Variants in DSCAML1 observed in about 807,000 individuals in gnomAD.
The protein encoded by DSCAML1 is cell adhesion molecule DSCAML1.
DSCAML1 carries 38 observed loss-of-function variants against 200.5 expected under a neutral mutation model. That is an observed-to-expected ratio of 0.19 (90% confidence interval 0.15 to 0.25). The LOEUF (loss-of-function observed/expected upper bound fraction) is 0.25. Among genes scored for constraint, DSCAML1 ranks in the 10% least tolerant of loss-of-function variants. The pLI, the probability that DSCAML1 is intolerant of heterozygous loss-of-function variation, is 1.00. For synonymous variants in DSCAML1, 1,215 were observed against 1,165.0 expected (o/e 1.04, Z -0.87); for missense variants, 2,223 against 2,858.8 (o/e 0.78, Z 5.07).
In DSCAML1 at chr11:117,504,893, C is replaced by A. The variant is rs760450688; in HGVS notation, c.2182+31G>T. 36 of 1,582,900 alleles carry A rather than the reference C, an allele frequency of 2.3e-5. No individual in the cohort carries two copies. Among genetic ancestry groups the A allele is most frequent in the Non-Finnish European group, 3.0e-5 (35 of 1,160,132 alleles). On this transcript the variant is annotated intron_variant, in intron 10 of 32. Coordinates refer to ENST00000651296, the MANE Select transcript of DSCAML1 (RefSeq NM_020693.4). The surrounding 1 kb of genome is among the most constrained non-coding windows in gnomAD (Gnocchi z 5.0). ...TCCTCCGTTCCCCGTCCCTGCCCTT[C>A]TTGGAGATTCTGGCTGGGCCAGGGG...
chr11:117,745,383 C>CT (rs1306627299), intron 3 of DSCAML1, among the ~76,000 whole-genome samples: 2 of 152,162 alleles, frequency 1.3e-5, no homozygotes, highest in Non-Finnish European at 2.9e-5. Context: ...ACCGAGGGAG[C>CT]TGAAGCTGTT....
chr11:117,640,657 C>T (rs1037013493), intron 3 of DSCAML1, among the ~76,000 whole-genome samples: 1 of 152,208 alleles, frequency 6.6e-6, no homozygotes, highest in African/African-American at 2.4e-5. Flanking sequence ...TTGTCCCCGC[C>T]ACCATGGTCC....
intron 19 of DSCAML1, among the ~76,000 whole-genome samples, chr11:117,458,088 G>A (rs1214694869): frequency 6.6e-6 from 1 of 152,228 alleles, no homozygotes; most frequent in Non-Finnish European, 1.5e-5. Context: ...CGGCCCTGGG[G>A]TAGTGCAGCT....
At chr11:117,485,869 G>C (rs1474280235) in intron 11 of DSCAML1, among the ~76,000 whole-genome samples, 1 of 152,212 alleles carries the variant, frequency 6.6e-6, no homozygotes, top group Non-Finnish European at 1.5e-5. Flanking sequence ...AACCTCCATT[G>C]AAGTGTCAAA....
intron 3 of DSCAML1, among the ~76,000 whole-genome samples, chr11:117,664,130 G>A (rs780545140): frequency 6.6e-6 from 1 of 152,228 alleles, no homozygotes; most frequent in South Asian, 2.1e-4. Flanking sequence ...CAGGGGAGGG[G>A]ATCAGGACTC....
chr11:117,697,192 A>T (rs1429798176), intron 3 of DSCAML1, among the ~76,000 whole-genome samples: 1 of 151,988 alleles, frequency 6.6e-6, no homozygotes, highest in Non-Finnish European at 1.5e-5. Flanking sequence ...AATTTGGCTG[A>T]CTCTTGTGCT....
chr11:117,465,249 A>G, intron 16 of DSCAML1, 67 bp from the exon 17 acceptor site: 1 of 1,581,134 alleles, frequency 6.3e-7, no homozygotes, highest in Non-Finnish European at 8.6e-7. Context: ...TCTTAAAACC[A>G]AAGTCAGATC....
chr11:117,428,203 T>G lies in DSCAML1; in HGVS notation c.*125A>C. ...TGTACAGGCGTTCATGATTGGGGGT[T>G]TTTGTTTTGTCGTTGGTTGGTTTTT... On this transcript the variant is annotated 3_prime_UTR_variant, in exon 33 of 33. Transcript: ENST00000651296. 2 of 643,180 alleles carry G rather than the reference T, an allele frequency of 3.1e-6. No individual in the cohort carries two copies. The highest frequency in any genetic ancestry group is 5.9e-5 in the East Asian group (2 of 33,816). The allele number at this position is 643,180 out of a possible 1,614,324, so 39.8% of individuals were successfully genotyped here. A position where few individuals can be genotyped will look rare whatever the true frequency, so the allele number is the denominator to read the frequency against.
chr11:117,540,567 A>G (rs2050249853), intron 3 of DSCAML1, among the ~76,000 whole-genome samples: 1 of 152,152 alleles, frequency 6.6e-6, no homozygotes, highest in Non-Finnish European at 1.5e-5. Flanking sequence ...ATATTTTACC[A>G]CAATTAAAGT....
chr11:117,547,752 C>A (rs2050402357), intron 3 of DSCAML1, among the ~76,000 whole-genome samples: 1 of 152,206 alleles, frequency 6.6e-6, no homozygotes, highest in Non-Finnish European at 1.5e-5. Context: ...GACAGACTCA[C>A]TTGAAATAGA....
At chr11:117,600,157 C>T (rs1180536670) in intron 3 of DSCAML1, among the ~76,000 whole-genome samples, 8 of 152,170 alleles carry the variant, frequency 5.3e-5, no homozygotes, top group Non-Finnish European at 1.2e-4. Context: ...GCAAACATTC[C>T]GTAGGTGTTG....
intron 20 of DSCAML1, among the ~76,000 whole-genome samples, chr11:117,444,531 G>C (rs1318504869): frequency 6.6e-6 from 1 of 152,218 alleles, no homozygotes; most frequent in Non-Finnish European, 1.5e-5. Flanking sequence ...GCATTTTGCA[G>C]GCAGCACGCC....
intron 12 of DSCAML1, 87 bp downstream of exon 12, chr11:117,481,876 T>C: frequency 6.6e-7 from 1 of 1,522,740 alleles, no homozygotes; most frequent in South Asian, 1.1e-5. Flanking sequence ...AGGCTCCCCA[T>C]TTGCCTCCTG....
intron 3 of DSCAML1, among the ~76,000 whole-genome samples, chr11:117,637,056 C>A (rs1405089001): frequency 1.3e-5 from 2 of 152,132 alleles, no homozygotes; most frequent in African/African-American, 4.8e-5. Context: ...TTTGCACATG[C>A]TGTTCCCTGA....
At chr11:117,710,762 G>A (rs967334188) in intron 3 of DSCAML1, among the ~76,000 whole-genome samples, 4 of 152,276 alleles carry the variant, frequency 2.6e-5, no homozygotes, top group Non-Finnish European at 4.4e-5. Flanking sequence ...AGGCAATGTC[G>A]GCTGAGCCCA....
chr11:117,434,862 T>C (rs1190370810), intron 27 of DSCAML1, among the ~76,000 whole-genome samples: 1 of 152,220 alleles, frequency 6.6e-6, no homozygotes, highest in African/African-American at 2.4e-5. Context: ...GAACCATCTA[T>C]TCATCCATTT....
intron 14 of DSCAML1, among the ~76,000 whole-genome samples, chr11:117,472,385 C>T (rs1565715072): frequency 6.6e-6 from 1 of 152,206 alleles, no homozygotes; most frequent in South Asian, 2.1e-4. Context: ...TGGGTCTCCC[C>T]TCACATCAGT....
chr11:117,809,882 TAC>T (rs368848322), intron 1 of DSCAML1, among the ~76,000 whole-genome samples: 83 of 150,436 alleles, frequency 5.5e-4, no homozygotes, highest in East Asian at 1.6e-3. Flanking sequence ...CACATACTCT[TAC>T]ACACACACAC....
Position 117,733,889 on chromosome 11 carries a change from C to T in DSCAML1, c.511+42902G>A, listed in dbSNP as rs17588728. The stretch of plus-strand genomic sequence containing the variant: ...GCATGCATCTTGTCTTCTGGGGTAC[C>T]GTCTGGAGAATTCATCTCCCTCTGG... On this transcript the variant is annotated intron_variant, in intron 3 of 32. Transcript: ENST00000651296. 9.9e-3 allele frequency among the ~76,000 whole-genome samples: 1,450 copies of T among 146,426 alleles called. 17 individuals are homozygous for T. The highest frequency in any genetic ancestry group is 0.044 in the Middle Eastern group (11 of 252).
Sources: gnomAD v4.1 joint callset for allele counts (sites outside exome capture counted in the v4.1 genomes callset) on GRCh38, gnomAD v4.1.1 for gene constraint, Gnocchi (gnomAD v3.1) non-coding constraint, MANE v1.5 for transcripts, NCBI Gene and HGNC (gene_info 2026-07-23, HGNC 2026-07-21) for gene names.